Variants in DDX60L observed in about 807,000 individuals in gnomAD.
DDX60L encodes the protein DExD/H-box 60 like, also known as probable ATP-dependent RNA helicase DDX60-like.
DDX60L carries 191 observed loss-of-function variants against 211.6 expected under a neutral mutation model. The ratio of observed to expected loss-of-function variants is 0.90; its 90% CI spans 0.80 to 1.02. The LOEUF (loss-of-function observed/expected upper bound fraction) is 1.02. Ranked by LOEUF, DDX60L falls within the 50% of genes least tolerant of loss-of-function variation. DDX60L has a pLI of 0.00. For missense variants in DDX60L, 2,007 were observed against 1,984.1 expected (o/e 1.01, Z -0.22); for synonymous variants, 706 against 694.1 (o/e 1.02, Z -0.27).
At chr4:168,469,315 G>A (rs1758425589) in intron 4 of DDX60L, 1 of 152,118 alleles carries the variant, frequency 6.6e-6, no homozygotes, top group Non-Finnish European at 1.5e-5. Context: ...GAAGAAAAAT[G>A]TTCTCAACAA....
intron 18 of DDX60L, 129 bp downstream of exon 18, chr4:168,420,132 T>C (rs1209275871): frequency 2.4e-6 from 2 of 838,084 alleles, no homozygotes; most frequent in African/African-American, 3.6e-5. Flanking sequence ...CTTAGAGCAA[T>C]TTCATTTTCT....
At chr4:168,461,666 T>C in intron 5 of DDX60L, 33 bp downstream of exon 5, 1 of 1,389,048 alleles carries the variant, frequency 7.2e-7, no homozygotes, top group Admixed American at 3.1e-5. Flanking sequence ...AAACAAGAAA[T>C]CAGGAAAAAA....
chr4:168,401,142 T>C (rs1416785520), intron 25 of DDX60L, among the ~76,000 whole-genome samples, 164 bp from the exon 26 acceptor site: 3 of 152,190 alleles, frequency 2.0e-5, no homozygotes, highest in African/African-American at 4.8e-5. Context: ...CGATGGGAAG[T>C]AGGGGTTCAA....
chr4:168,373,738 T>A lies in DDX60L; in HGVS notation c.4704A>T (p.Val1568=). 3 of 1,614,042 alleles carry A rather than the reference T, an allele frequency of 1.9e-6. No homozygotes were observed. The highest frequency in any genetic ancestry group is 1.7e-6 in the Non-Finnish European group (2 of 1,179,890). The change falls in exon 35 of 38, where the codon GTA becomes GTT. Residue 1568 remains valine (V), a synonymous_variant. Transcript: ENST00000682922. ...AAAGACAAACAAATGGTGAAATGGC[T>A]ACTCTTCCTTTCTTGCAGCTCATCA... The part of the protein sequence containing the change: ...SHLMSCKKGR[V]AISPFVCLSG...
chr4:168,452,286 G>A (rs1429033011), intron 8 of DDX60L, among the ~76,000 whole-genome samples: 1 of 152,094 alleles, frequency 6.6e-6, no homozygotes, highest in Non-Finnish European at 1.5e-5. Flanking sequence ...TCCCATTTCA[G>A]AAAATCTATT....
At chr4:168,464,183 T>C (rs960488453) in intron 4 of DDX60L, among the ~76,000 whole-genome samples, 2 of 152,154 alleles carry the variant, frequency 1.3e-5, no homozygotes, top group Non-Finnish European at 2.9e-5. Flanking sequence ...ATGACATTTC[T>C]AGAAGATTAT....
chr4:168,369,482 A>AC (rs1560928084), intron 36 of DDX60L, among the ~76,000 whole-genome samples: 1 of 37,708 alleles, frequency 2.7e-5, no homozygotes, highest in East Asian at 1.1e-3. Flanking sequence ...TTTAAAAAAA[A>AC]CAAAAAAAAA....
intron 17 of DDX60L, among the ~76,000 whole-genome samples, chr4:168,420,816 G>A (rs180807062): frequency 2.6e-5 from 4 of 152,202 alleles, no homozygotes; most frequent in Admixed American, 6.5e-5. Flanking sequence ...TCCTCCTAGT[G>A]CTCTCTCTGC....
Position 168,461,726 on chromosome 4 carries a change from T to C in DDX60L, c.579A>G (p.Thr193=). 1.3e-6 allele frequency: 2 copies of C among 1,568,224 alleles called. No individual in the cohort carries two copies. Among genetic ancestry groups the C allele is most frequent in the South Asian group, 2.4e-5 (2 of 84,448 alleles). ...LRFYAYTMES[T]DRNQTFSKEN... ...CCTTGGAAAAAGTTTGGTTTCTGTC[T>C]GTGCTTTCCATAGTATATGCATAAA... The change falls in exon 5 of 38, where the codon ACA becomes ACG. Residue 193 remains threonine (T), a synonymous_variant. Coordinates refer to ENST00000682922, the MANE Select transcript of DDX60L (RefSeq NM_001012967.3).
intron 14 of DDX60L, 34 bp downstream of exon 14, chr4:168,427,036 C>T: frequency 1.9e-6 from 3 of 1,552,834 alleles, no homozygotes; most frequent in Non-Finnish European, 2.6e-6. Context: ...ATTTTCATCA[C>T]TACTCTTTAT....
intron 26 of DDX60L, among the ~76,000 whole-genome samples, chr4:168,397,137 C>T (rs766790097): frequency 6.6e-6 from 1 of 152,188 alleles, no homozygotes; most frequent in African/African-American, 2.4e-5. Flanking sequence ...CTGTCAACAT[C>T]CTGATCTTGG....
chr4:168,445,202 C>T (rs1754577487), intron 9 of DDX60L, among the ~76,000 whole-genome samples: 1 of 129,548 alleles, frequency 7.7e-6, no homozygotes, highest in Non-Finnish European at 1.7e-5. Context: ...GGGATATCAC[C>T]ACCGATCCCA....
intron 9 of DDX60L, among the ~76,000 whole-genome samples, chr4:168,446,287 C>T (rs1226762590): frequency 6.6e-6 from 1 of 152,050 alleles, no homozygotes; most frequent in Non-Finnish European, 1.5e-5. Context: ...ACAATTGCTT[C>T]AAAGAGAATA....
intron 8 of DDX60L, among the ~76,000 whole-genome samples, chr4:168,452,545 A>C (rs1755942042): frequency 6.6e-6 from 1 of 152,238 alleles, no homozygotes. Flanking sequence ...AAATATGTAC[A>C]ACTACTATGT....
chr4:168,441,379 T>A lies in DDX60L; in HGVS notation c.1252A>T (p.Thr418Ser). The change falls in exon 10 of 38, where the codon ACA becomes TCA. Residue 418 changes from threonine (T) to serine (S), a missense_variant. By Grantham distance (58) the Thr-to-Ser change is moderately conservative. Coordinates refer to ENST00000682922, the MANE Select transcript of DDX60L (RefSeq NM_001012967.3). ...TCTTGTCTAAGAAAATGTCTTCTTG[T>A]TGTTCTCAGAGGAAAAGACTTTCCA... ...NVGKSFPLRT[T>S]RRHFLRQEKS... The A allele has an allele frequency of 6.2e-7, 1 of 1,611,776 alleles. No individual in the cohort carries two copies. Among genetic ancestry groups the A allele is most frequent in the Non-Finnish European group, 8.5e-7 (1 of 1,179,024 alleles).
rs750412881 is a variant in DDX60L at position 168,441,443 on chromosome 4, C to A, written c.1188G>T (p.Leu396=). 6.2e-7 allele frequency: 1 copy of A among 1,612,856 alleles called. No individual in the cohort carries two copies. The highest frequency in any genetic ancestry group is 1.1e-5 in the South Asian group (1 of 90,874). ...GDSIRRDYED[L]WNVVSHLVKE... is the part of the protein sequence containing the mutation. ...TAACCAGGTGTGACACAACATTCCA[C>A]AGGTCTTCATAATCCCTCCTAATGG... Residue 396 remains leucine (L), a synonymous_variant, in exon 10 of 38, where the codon CTG becomes CTT. Coordinates refer to ENST00000682922, the MANE Select transcript of DDX60L (RefSeq NM_001012967.3).
At chr4:168,453,678 C>T (rs762207195) in intron 7 of DDX60L, among the ~76,000 whole-genome samples, 12 of 152,064 alleles carry the variant, frequency 7.9e-5, no homozygotes, top group South Asian at 4.1e-4. Flanking sequence ...ATCTGTAAAA[C>T]GTATTGAATG....
chr4:168,422,483 A>G, intron 16 of DDX60L, 41 bp downstream of exon 16: 1 of 1,570,884 alleles, frequency 6.4e-7, no homozygotes, highest in Non-Finnish European at 8.6e-7. Context: ...AAAGTTCTGA[A>G]GTCACACTGA....
At chr4:168,365,706 T>A (rs1739860698) in intron 36 of DDX60L, among the ~76,000 whole-genome samples, 1 of 152,058 alleles carries the variant, frequency 6.6e-6, no homozygotes, top group Admixed American at 6.5e-5. Context: ...CAAAACCAGA[T>A]AAGGATACAG....
Sources: gnomAD v4.1 joint callset for allele counts (sites outside exome capture counted in the v4.1 genomes callset) on GRCh38, gnomAD v4.1.1 for gene constraint, MANE v1.5 for transcripts, NCBI Gene and HGNC (gene_info 2026-07-23, HGNC 2026-07-21) for gene names.